Variants in ACADSB observed in about 807,000 individuals in gnomAD.
The protein encoded by ACADSB is acyl-CoA dehydrogenase short/branched chain.
Under a neutral mutation model 54.1 loss-of-function variants are expected in ACADSB, and 40 were observed. The observed-to-expected ratio is 0.74, with a 90% CI of 0.57 to 0.96. The LOEUF (loss-of-function observed/expected upper bound fraction) is 0.96, where lower values mean the gene tolerates loss of function less well. Ranked by LOEUF, ACADSB falls within the 40% of genes least tolerant of loss-of-function variation. The pLI is 0.00. For synonymous variants in ACADSB, 182 were observed against 182.8 expected (o/e 1.00, Z 0.03); for missense variants, 530 against 510.4 (o/e 1.04, Z -0.37).
intron 1 of ACADSB, among the ~76,000 whole-genome samples, chr10:123,013,595 T>C (rs973716080): frequency 7.2e-5 from 11 of 152,212 alleles, no homozygotes; most frequent in African/African-American, 2.7e-4. Context: ...AGGAGCCCAC[T>C]GGCGGTGGCG....
intron 1 of ACADSB, among the ~76,000 whole-genome samples, chr10:123,028,193 G>C (rs1186195334): frequency 6.6e-6 from 1 of 152,130 alleles, no homozygotes; most frequent in Non-Finnish European, 1.5e-5. Context: ...TTAAATCTCA[G>C]GGACATTCTT....
intron 5 of ACADSB, 26 bp from the exon 6 acceptor site, chr10:123,043,019 TA>T: frequency 6.2e-7 from 1 of 1,611,386 alleles, no homozygotes; most frequent in Non-Finnish European, 8.5e-7. Context: ...ATCCAAGTGG[TA>T]ATAGCGTTTT....
intron 7 of ACADSB, among the ~76,000 whole-genome samples, chr10:123,046,678 A>T (rs1182517217): frequency 6.6e-6 from 1 of 152,224 alleles, no homozygotes; most frequent in African/African-American, 2.4e-5. Flanking sequence ...TACAGCTCGG[A>T]TTCAGAACCA....
chr10:123,028,768 C>G (rs1850287127), intron 1 of ACADSB, among the ~76,000 whole-genome samples: 1 of 152,056 alleles, frequency 6.6e-6, no homozygotes, highest in Non-Finnish European at 1.5e-5. Flanking sequence ...TAATGGCTTA[C>G]AATTGTAATC....
chr10:123,022,506 C>A (rs1445543315), intron 1 of ACADSB, among the ~76,000 whole-genome samples: 1 of 152,206 alleles, frequency 6.6e-6, no homozygotes, highest in Non-Finnish European at 1.5e-5. Flanking sequence ...CCCCAAAATT[C>A]CTGGTCTGGG....
In ACADSB at chr10:123,052,939, A is replaced by G; in HGVS notation, c.1129-122A>G. The G allele has an allele frequency of 1.3e-6, 1 of 752,922 alleles. No homozygotes were observed. The highest frequency in any genetic ancestry group is 1.9e-5 in the Admixed American group (1 of 51,684). The allele number at this position is 752,922 out of a possible 1,614,324, so 46.6% of individuals were successfully genotyped here. A position where few individuals can be genotyped will look rare whatever the true frequency, so the allele number is the denominator to read the frequency against. The stretch of plus-strand genomic sequence containing the variant: ...TGAAGAGACAATGCTAGTTTAGAAG[A>G]TAACTTTAGTCCTTCCAGTGCCACT... On this transcript the variant is annotated intron_variant, in intron 9 of 10. Coordinates refer to ENST00000358776, the MANE Select transcript of ACADSB (RefSeq NM_001609.4). This position sits in a 1 kb window ranked among gnomAD's most constrained non-coding sequence, Gnocchi z 4.2.
chr10:123,054,927 G>A lies in ACADSB; in HGVS notation c.*1162G>A, dbSNP rs527338940. On this transcript the variant is annotated 3_prime_UTR_variant, in exon 11 of 11. Transcript: ENST00000358776. Reference sequence around the variant, plus strand: ...AATAATAATTCAGAAATTGGGTTTTGGTTCAGTGATTCTCAAGAAAAAGAT... The same window carrying A: ...AATAATAATTCAGAAATTGGGTTTTAGTTCAGTGATTCTCAAGAAAAAGAT... 4 of 152,238 alleles carry A rather than the reference G, an allele frequency of 2.6e-5. No homozygotes were observed. Among genetic ancestry groups the A allele is most frequent in the African/African-American group, 9.6e-5 (4 of 41,532 alleles). 9.4% of individuals were successfully genotyped at this position (152,238 alleles called of 1,614,324 possible). A position where few individuals can be genotyped will look rare whatever the true frequency, so the allele number is the denominator to read the frequency against.
intron 1 of ACADSB, among the ~76,000 whole-genome samples, chr10:123,012,625 C>T (rs889275708): frequency 2.0e-5 from 3 of 151,896 alleles, no homozygotes; most frequent in Non-Finnish European, 2.9e-5. Flanking sequence ...CAGACCTTCA[C>T]GGTGAGTGTT....
rs1465694848 is a variant in ACADSB at position 123,054,153 on chromosome 10, A to C, written c.*388A>C. On this transcript the variant is annotated 3_prime_UTR_variant, in exon 11 of 11. Coordinates refer to ENST00000358776, the MANE Select transcript of ACADSB (RefSeq NM_001609.4). ...GTGATTCTCATGCCTCATCCTCCCA[A>C]GTAGCTGGAACTACAGGTGTGCACC... The C allele has an allele frequency of 4.2e-6, 1 of 240,536 alleles. No individual in the cohort carries two copies. The highest frequency in any genetic ancestry group is 5.8e-5 in the South Asian group (1 of 17,202). The allele number at this position is 240,536 out of a possible 1,614,324, so 14.9% of individuals were successfully genotyped here. A position where few individuals can be genotyped will look rare whatever the true frequency, so the allele number is the denominator to read the frequency against.
chr10:123,041,387 T>A lies in ACADSB; in HGVS notation c.681+8T>A. 1 of 1,614,128 alleles carries A rather than the reference T, an allele frequency of 6.2e-7. No homozygotes were observed. The highest frequency in any genetic ancestry group is 8.5e-7 in the Non-Finnish European group (1 of 1,179,948). On this transcript the variant is annotated splice_region_variant and intron_variant, in intron 5 of 10. Coordinates refer to ENST00000358776, the MANE Select transcript of ACADSB (RefSeq NM_001609.4). ...AATGTAGACCCTACCATTGTAAGTT[T>A]GAAAACGAAATTTCTTTCTTTTTCC... is the stretch of plus-strand genomic sequence containing the variant.
At chr10:123,025,118 A>G (rs1850234133) in intron 1 of ACADSB, among the ~76,000 whole-genome samples, 2 of 152,054 alleles carry the variant, frequency 1.3e-5, no homozygotes, top group Non-Finnish European at 1.5e-5. Context: ...AACAAAACAA[A>G]TGTTAAACCA....
At chr10:123,028,523 T>C (rs1358100578) in intron 1 of ACADSB, among the ~76,000 whole-genome samples, 1 of 151,502 alleles carries the variant, frequency 6.6e-6, no homozygotes, top group African/African-American at 2.4e-5. Flanking sequence ...ATTATCTGGG[T>C]GTGGTGTCGC....
rs2133474340 is a variant in ACADSB, at chr10:123,034,386, T to A, written c.73T>A (p.Ser25Thr). ...LRRNFLTCLSSWKIPPHVSKS... is the reference protein window; with the variant it reads ...LRRNFLTCLSTWKIPPHVSKS... ...AAGAAATTTCCTGACTTGTTTGTCT[T>A]CTTGGAAGATTCCTCCTCATGTCTC... Residue 25 changes from serine (S) to threonine (T), a missense_variant, in exon 2 of 11, where the codon TCT becomes ACT. Transcript: ENST00000358776. 1 of 1,613,926 alleles carries A rather than the reference T, an allele frequency of 6.2e-7. No homozygotes were observed. The highest frequency in any genetic ancestry group is 2.2e-5 in the East Asian group (1 of 44,868).
At chr10:123,043,566 A>G (rs35038235) in intron 6 of ACADSB, among the ~76,000 whole-genome samples, 33,973 of 152,150 alleles carry the variant, frequency 0.22, 3,947 homozygotes, top group South Asian at 0.31. Context: ...CAGCCAGGCT[A>G]TTAAACGTGA....
rs1232898957 is a variant in ACADSB, at chr10:123,056,276, A to G, written c.*2511A>G. On this transcript the variant is annotated 3_prime_UTR_variant, in exon 11 of 11. Transcript: ENST00000358776. The stretch of plus-strand genomic sequence containing the variant: ...GACTTACAGTTCCACATGGCCGGGG[A>G]GGCCTCAGAATCATGGCGGGAGGTG... The G allele has an allele frequency of 1.3e-5, 3 of 224,068 alleles. No individual in the cohort carries two copies. The highest frequency in any genetic ancestry group is 5.4e-5 in the Admixed American group (1 of 18,486). The allele number at this position is 224,068 out of a possible 1,614,324, so 13.9% of individuals were successfully genotyped here. A position where few individuals can be genotyped will look rare whatever the true frequency, so the allele number is the denominator to read the frequency against.
Position 123,029,058 on chromosome 10 carries a change from T to G in ACADSB, c.43-5298T>G, listed in dbSNP as rs188318459. ...ATATTACATATTTTTTCAAAAGAAA[T>G]AAAACAGACCAGTCATGGTGGCTCA... On this transcript the variant is annotated intron_variant, in intron 1 of 10. Transcript: ENST00000358776. Among the ~76,000 whole-genome samples, 119 of 151,320 alleles carry G rather than the reference T, an allele frequency of 7.9e-4. No homozygotes were observed. In the Middle Eastern group the frequency reaches 0.01, roughly 13 times the overall value.
Position 123,057,057 on chromosome 10 carries a change from AC to A in ACADSB, c.*3293del, listed in dbSNP as rs775860481. On this transcript the variant is annotated 3_prime_UTR_variant, in exon 11 of 11. Transcript: ENST00000358776. Reference sequence around the variant, plus strand: ...GAGTATGACATGGATGAAATGCCCTACAGGGGCCTTGGACATCTTTAATTTC... The same window carrying A: ...GAGTATGACATGGATGAAATGCCCTAAGGGGCCTTGGACATCTTTAATTTC... 7.9e-5 allele frequency: 12 copies of A among 152,796 alleles called. No homozygotes were observed. Among genetic ancestry groups the A allele is most frequent in the Admixed American group, 1.3e-4 (2 of 15,306 alleles). The allele number at this position is 152,796 out of a possible 1,614,324, so 9.5% of individuals were successfully genotyped here.
Position 123,052,639 on chromosome 10 carries a change from C to G in ACADSB, c.1129-422C>G, listed in dbSNP as rs1021080548. On this transcript the variant is annotated intron_variant, in intron 9 of 10. Coordinates refer to ENST00000358776, the MANE Select transcript of ACADSB (RefSeq NM_001609.4). The surrounding 1 kb of genome is among the most constrained non-coding windows in gnomAD (Gnocchi z 4.2). ...CCATTCTGCAGGGTCTCTCGCTCCT[C>G]CATTCTCTTTTCACATTTCACCCCG... 3 of 270,632 alleles carry G rather than the reference C, an allele frequency of 1.1e-5. No individual in the cohort carries two copies. The highest frequency in any genetic ancestry group is 2.2e-5 in the Non-Finnish European group (3 of 139,462). The allele number at this position is 270,632 out of a possible 1,614,324, so 16.8% of individuals were successfully genotyped here.
In ACADSB at chr10:123,053,894, TAGTC is replaced by T; in HGVS notation, c.*132_*135del. On this transcript the variant is annotated 3_prime_UTR_variant, in exon 11 of 11. Coordinates refer to ENST00000358776, the MANE Select transcript of ACADSB (RefSeq NM_001609.4). ...CATTCGAATATTTTAATGAAGCCCT[TAGTC>T]AGGGTCCTGGTGTTGGCCTTTTTGG... 3 of 883,294 alleles carry T rather than the reference TAGTC, an allele frequency of 3.4e-6. No individual in the cohort carries two copies. The highest frequency in any genetic ancestry group is 2.6e-5 in the East Asian group (1 of 38,842). 54.7% of individuals were successfully genotyped at this position (883,294 alleles called of 1,614,324 possible).
Sources: allele counts gnomAD v4.1 joint callset (sites outside exome capture counted in the v4.1 genomes callset), GRCh38; gene constraint gnomAD v4.1.1; non-coding constraint Gnocchi (gnomAD v3.1); transcripts MANE v1.5; gene names NCBI Gene and HGNC (gene_info 2026-07-23, HGNC 2026-07-21).